RPGR: variants seen among roughly 807,000 people sequenced by gnomAD.
The protein encoded by RPGR is X-linked retinitis pigmentosa GTPase regulator.
Under a neutral mutation model 56.3 loss-of-function variants are expected in RPGR, and 10 were observed. The observed-to-expected ratio is 0.18, with a 90% CI of 0.11 to 0.30. The LOEUF (loss-of-function observed/expected upper bound fraction) is 0.30, where lower values mean the gene tolerates loss of function less well. RPGR is among the 10% of genes least tolerant of loss of function. The pLI is 1.00. For missense variants in RPGR, 538 were observed against 590.9 expected, an observed-to-expected ratio of 0.91 and a Z score of 0.93; for synonymous variants, 197 against 212.9, an observed-to-expected ratio of 0.93 and a Z score of 0.65.
At chrX:38,308,355 A>C (rs1345734729) in intron 7 of RPGR, 1 of 112,394 alleles carries the variant, frequency 8.9e-6, no homozygotes, top group African/African-American at 3.2e-5. Flanking sequence ...AGTCCACAGA[A>C]AGTTAAATGT....
Position 38,327,479 on chromosome X carries a change from T to G in RPGR, c.-112A>C, listed in dbSNP as rs2068075454. 12 of 767,890 alleles carry G rather than the reference T, an allele frequency of 1.6e-5. No individual in the cohort carries two copies. Among genetic ancestry groups the G allele is most frequent in the Non-Finnish European group, 2.2e-5 (12 of 555,784 alleles). The allele number at this position is 767,890 out of a possible 1,213,427, so 63.3% of individuals were successfully genotyped here. A position where few individuals can be genotyped will look rare whatever the true frequency, so the allele number is the denominator to read the frequency against. On this transcript the variant is annotated 5_prime_UTR_variant, in exon 1 of 19. Coordinates refer to ENST00000642395, the MANE Select transcript of RPGR (RefSeq NM_000328.3). ...ACGCGGGCCGCGAAAGCCCCCAAGTTCCGCATGGCGAAACTCCGGAGATCA... is the reference window on the plus strand; with the variant it reads ...ACGCGGGCCGCGAAAGCCCCCAAGTGCCGCATGGCGAAACTCCGGAGATCA...
intron 7 of RPGR, among the ~76,000 whole-genome samples, chrX:38,308,475 T>A (rs1274175552): frequency 2.7e-5 from 3 of 111,681 alleles, no homozygotes; most frequent in Non-Finnish European, 3.8e-5. Context: ...CTTGTTGCTC[T>A]TTATAGAAAA....
intron 15 of RPGR, among the ~76,000 whole-genome samples, chrX:38,280,726 G>T (rs993145771): frequency 9.0e-6 from 1 of 110,752 alleles, no homozygotes; most frequent in Middle Eastern, 4.2e-3. Flanking sequence ...GTAGAGACAG[G>T]TTTTTATCAT....
chrX:38,301,250 T>C lies in RPGR; in HGVS notation c.1056A>G (p.Lys352=). The C allele has an allele frequency of 2.5e-6, 3 of 1,198,982 alleles. No homozygotes were observed. The highest frequency in any genetic ancestry group is 3.4e-6 in the Non-Finnish European group (3 of 884,853). The change falls in exon 9 of 19, where the codon AAA becomes AAG. Residue 352 remains lysine (K), a synonymous_variant. Coordinates refer to ENST00000642395, the MANE Select transcript of RPGR (RefSeq NM_000328.3). Reference sequence around the variant, plus strand: ...CAGGGAAATGTGATGCCCTTACCAATTTAACTATAAACCTCAAAAAATTAG... The same window carrying C: ...CAGGGAAATGTGATGCCCTTACCAACTTAACTATAAACCTCAAAAAATTAG...
intron 15 of RPGR, among the ~76,000 whole-genome samples, chrX:38,278,376 G>A (rs2066972732): frequency 8.9e-6 from 1 of 111,833 alleles, no homozygotes; most frequent in Non-Finnish European, 1.9e-5. Context: ...GAGTAGCTGG[G>A]ATTACAGGCA....
intron 11 of RPGR, chrX:38,295,896 C>T (rs1303910295): frequency 8.9e-6 from 1 of 112,043 alleles, no homozygotes; most frequent in East Asian, 2.8e-4. Context: ...GGTTTCTTGT[C>T]CTACCCCTAT....
At chrX:38,315,106 G>C (rs1429263486) in intron 6 of RPGR, among the ~76,000 whole-genome samples, 1 of 111,551 alleles carries the variant, frequency 9.0e-6, no homozygotes, top group Non-Finnish European at 1.9e-5. Context: ...AAGGAGGGTA[G>C]ATTACCTGAG....
At chrX:38,298,657 GCATT>G (rs1016927592) in intron 10 of RPGR, among the ~76,000 whole-genome samples, 8 of 111,431 alleles carry the variant, frequency 7.2e-5, no homozygotes, top group Non-Finnish European at 1.5e-4. Context: ...AAACAATTCA[GCATT>G]CAATGTGAGG....
intron 7 of RPGR, among the ~76,000 whole-genome samples, chrX:38,307,471 G>T (rs1169503658): frequency 1.8e-5 from 2 of 112,479 alleles, no homozygotes; most frequent in Non-Finnish European, 3.8e-5. Context: ...TAAGATAAGA[G>T]TTATAGACTT....
At chrX:38,321,005 T>G (rs758281616) in intron 4 of RPGR, 22 bp downstream of exon 4, 2 of 1,156,506 alleles carry the variant, frequency 1.7e-6, no homozygotes, top group African/African-American at 3.5e-5. Flanking sequence ...AGGCAGGAAA[T>G]CATACAGGTT....
At position 38,327,371 on chromosome X, in the gene RPGR, A is replaced by G; in HGVS notation, c.-4T>C. Reference sequence around the variant, plus strand: ...TCAGCTCTTCCGGCTCCCTCATGCCACGGGCAGTACGGGCAGCCTGCGCCG... The same window carrying G: ...TCAGCTCTTCCGGCTCCCTCATGCCGCGGGCAGTACGGGCAGCCTGCGCCG... On this transcript the variant is annotated 5_prime_UTR_variant, in exon 1 of 19. Coordinates refer to ENST00000642395, the MANE Select transcript of RPGR (RefSeq NM_000328.3). 1.7e-6 allele frequency: 2 copies of G among 1,182,147 alleles called. No individual in the cohort carries two copies. Among genetic ancestry groups the G allele is most frequent in the South Asian group, 1.9e-5 (1 of 53,511 alleles).
chrX:38,276,618 T>G lies in RPGR; in HGVS notation c.2060A>C (p.Asn687Thr). 8.3e-7 allele frequency: 1 copy of G among 1,211,428 alleles called. No homozygotes were observed. Among genetic ancestry groups the G allele is most frequent in the Non-Finnish European group, 1.1e-6 (1 of 895,259 alleles). The change falls in exon 16 of 19, where the codon AAT (asparagine) becomes ACT (threonine). Residue 687 changes from asparagine (N) to threonine (T), a missense_variant. Asn to Thr is a moderately conservative substitution (Grantham distance 65, BLOSUM62 0). Around this residue, in one of 2 missense-constraint regions of RPGR, gnomAD observed 357 missense variants for 325.8 expected, o/e 1.10. Coordinates refer to ENST00000642395, the MANE Select transcript of RPGR (RefSeq NM_000328.3). ...AATAGTTTCAGCTGAGCTATCATCA[T>G]TGGTTCTTTCTGCTCCTTCTGTTTT...
chrX:38,324,394 C>T (rs2068004466), intron 1 of RPGR, among the ~76,000 whole-genome samples: 1 of 110,774 alleles, frequency 9.0e-6, no homozygotes, highest in South Asian at 3.9e-4. Context: ...ACCATGACAC[C>T]CGGCCAAAAT....
chrX:38,275,203 C>T, intron 16 of RPGR: 1 of 1,016,255 alleles, frequency 9.8e-7, no homozygotes, highest in Non-Finnish European at 1.4e-6. Flanking sequence ...TTCTAGAAAA[C>T]TTAAGTCTGA....
intron 11 of RPGR, among the ~76,000 whole-genome samples, chrX:38,293,016 A>G (rs888404980): frequency 8.9e-5 from 10 of 111,989 alleles, no homozygotes; most frequent in Admixed American, 1.9e-4. Flanking sequence ...CTACGACAAC[A>G]AGGAAGGTTA....
chrX:38,315,890 A>G (rs2067818962), intron 6 of RPGR, among the ~76,000 whole-genome samples: 2 of 107,085 alleles, frequency 1.9e-5, no homozygotes, highest in Admixed American at 2.0e-4. Context: ...TGTAGTACCC[A>G]CTATATATAT....
chrX:38,294,922 C>T (rs745375282), intron 11 of RPGR, among the ~76,000 whole-genome samples: 1 of 112,190 alleles, frequency 8.9e-6, no homozygotes, highest in Non-Finnish European at 1.9e-5. Context: ...AGTATTCTTC[C>T]TATTTCTAGT....
intron 6 of RPGR, among the ~76,000 whole-genome samples, chrX:38,315,402 G>A (rs918423883): frequency 1.8e-5 from 2 of 111,604 alleles, no homozygotes; most frequent in Non-Finnish European, 3.8e-5. Flanking sequence ...AATGAGATCC[G>A]GTCATTTGCA....
chrX:38,304,600 T>A, intron 8 of RPGR, 35 bp downstream of exon 8: 1 of 1,081,585 alleles, frequency 9.2e-7, no homozygotes, highest in Non-Finnish European at 1.3e-6. Context: ...ATATACCCAG[T>A]TCTATAAATA....
Sources: gnomAD v4.1 joint callset for allele counts (sites outside exome capture counted in the v4.1 genomes callset) on GRCh38, gnomAD v4.1.1 for gene constraint, gnomAD v4.1.1 regional missense constraint, MANE v1.5 for transcripts, NCBI Gene and HGNC (gene_info 2026-07-23, HGNC 2026-07-21) for gene names.